Variants in ELOA2 observed in about 807,000 individuals in gnomAD.
ELOA2 encodes the protein elongin A2.
For synonymous variants in ELOA2, 497 were observed against 398.8 expected (o/e 1.25, Z -2.94); for missense variants, 1,271 against 979.7 (o/e 1.30, Z -3.97).
In ELOA2 at chr18:47,035,306, G is replaced by T; in HGVS notation, c.-42C>A. 8 of 1,611,444 alleles carry T rather than the reference G, an allele frequency of 5.0e-6. No individual in the cohort carries two copies. The highest frequency in any genetic ancestry group is 6.8e-6 in the Non-Finnish European group (8 of 1,179,396). On this transcript the variant is annotated 5_prime_UTR_variant, in exon 1 of 1. In the 5' UTR this introduces an upstream ATG that the reference lacks. Coordinates refer to ENST00000332567, the MANE Select transcript of ELOA2 (RefSeq NM_016427.3). The stretch of plus-strand genomic sequence containing the variant: ...AGGCGTCGCTGTCCCGGCGGTCGCA[G>T]CTCTGTCTTTGGGGCTGCGGGACAG...
Position 47,034,323 on chromosome 18 carries a change from G to T in ELOA2, c.942C>A (p.Asn314Lys), listed in dbSNP as rs764961596. The T allele has an allele frequency of 6.2e-7, 1 of 1,612,746 alleles. No individual in the cohort carries two copies. Residue 314 changes from asparagine (N) to lysine (K), a missense_variant, in exon 1 of 1, where the codon AAC becomes AAA. By Grantham distance (94) the Asn-to-Lys change is moderately conservative. Transcript: ENST00000332567. ...HQKRPQHSHS[N>K]KKRPSLDGRD... ...GGCCGTCTAGACTGGGCCTCTTCTT[G>T]TTCGAGTGACTGTGCTGAGGCCTCT...
Position 47,034,265 on chromosome 18 carries a change from G to T in ELOA2, c.1000C>A (p.Pro334Thr), listed in dbSNP as rs1367630813. 1 of 1,613,866 alleles carries T rather than the reference G, an allele frequency of 6.2e-7. No individual in the cohort carries two copies. The highest frequency in any genetic ancestry group is 1.7e-5 in the Admixed American group (1 of 60,006). The change falls in exon 1 of 1, where the codon CCC becomes ACC. Residue 334 changes from proline (P) to threonine (T), a missense_variant. Coordinates refer to ENST00000332567, the MANE Select transcript of ELOA2 (RefSeq NM_016427.3). ...TTGGAAAGCTGCTCTTTCTCCTCGG[G>T]CGACAGGCCGTGTGTCCCATTTCCT... is the stretch of plus-strand genomic sequence containing the variant. ...DPGNGTHGLS[P>T]EEKEQLSNDR... is the part of the protein sequence containing the mutation.
rs764193394 is a variant in ELOA2 at position 47,034,640 on chromosome 18, G to C, written c.625C>G (p.Pro209Ala). 1.9e-6 allele frequency: 3 copies of C among 1,614,026 alleles called. No individual in the cohort carries two copies. Among genetic ancestry groups the C allele is most frequent in the South Asian group, 2.2e-5 (2 of 91,078 alleles). ...HAAQGGPLLC[P>A]GCQGQPQGKA... is the part of the protein sequence containing the mutation. ...CCCTGGGGTTGGCCCTGGCAGCCTG[G>C]ACACAGCAGAGGCCCGCCCTGAGCC... The change falls in exon 1 of 1, where the codon CCA becomes GCA. Residue 209 changes from proline to alanine, a missense_variant. Coordinates refer to ENST00000332567, the MANE Select transcript of ELOA2 (RefSeq NM_016427.3).
Position 47,034,469 on chromosome 18 carries a change from G to A in ELOA2, c.796C>T (p.Pro266Ser), listed in dbSNP as rs1304952501. 2 of 1,614,056 alleles carry A rather than the reference G, an allele frequency of 1.2e-6. No individual in the cohort carries two copies. The highest frequency in any genetic ancestry group is 2.7e-5 in the African/African-American group (2 of 74,956). The change falls in exon 1 of 1, where the codon CCC becomes TCC. Residue 266 changes from proline (P) to serine (S), a missense_variant. Transcript: ENST00000332567. ...ACLREETPRM[P>S]SWASARDRQP... is the part of the protein sequence containing the mutation. ...CTGTCCCTGGCACTTGCCCAGGAGG[G>A]CATCCTTGGGGTTTCCTCTCTTAAG...
rs2060690819 is a variant in ELOA2 at position 47,034,902 on chromosome 18, G to A, written c.363C>T (p.Ser121=). 4 of 1,612,060 alleles carry A rather than the reference G, an allele frequency of 2.5e-6. No homozygotes were observed. The East Asian group carries it at 8.9e-5, about 36-fold the overall frequency. Residue 121 remains serine (S), a synonymous_variant, in exon 1 of 1, where the codon AGC becomes AGT. Transcript: ENST00000332567. ...GFPENATAPR[S]PSHSPEHRRT... ...GTCTGTGCTCAGGGCTGTGAGATGG[G>A]CTCCTGGGGGCCGTCGCGTTTTCTG...
rs1218249929 is a variant in ELOA2 at position 47,032,919 on chromosome 18, A to G, written c.*84T>C. 8.1e-6 allele frequency: 13 copies of G among 1,609,072 alleles called. No individual in the cohort carries two copies. The highest frequency in any genetic ancestry group is 3.3e-5 in the Admixed American group (2 of 59,858). Reference sequence around the variant, plus strand: ...CACCAAGTTAAAGGTTCTGGTGTCCATTGGAAGTTTCGTTCCCCAACCCGC... The same window carrying G: ...CACCAAGTTAAAGGTTCTGGTGTCCGTTGGAAGTTTCGTTCCCCAACCCGC... On this transcript the variant is annotated 3_prime_UTR_variant, in exon 1 of 1. Coordinates refer to ENST00000332567, the MANE Select transcript of ELOA2 (RefSeq NM_016427.3).
rs755028394 is a variant in ELOA2, at chr18:47,034,817, C to T, written c.448G>A (p.Glu150Lys). The change falls in exon 1 of 1, where the codon GAG becomes AAG. Residue 150 changes from glutamate to lysine, a missense_variant. Glu to Lys is a moderately conservative substitution (Grantham distance 56). Coordinates refer to ENST00000332567, the MANE Select transcript of ELOA2 (RefSeq NM_016427.3). ...QRPHPRSHSR[E>K]PRAERKCPRI... ...GGGCACTTTCTCTCAGCTCTGGGCT[C>T]GCGACTGTGAGACCTCGGGTGAGGT... 1.1e-5 allele frequency: 18 copies of T among 1,612,146 alleles called. No homozygotes were observed. Among genetic ancestry groups the T allele is most frequent in the Middle Eastern group, 2.1e-4 (1 of 4,700 alleles).
At chr18:47,033,523 GTC>G in the ELOA2 span, 1 of 1,614,168 alleles carries the variant, frequency 6.2e-7, no homozygotes, top group Non-Finnish European at 8.5e-7. Flanking sequence ...TAATTCGTCT[GTC>G]TCTCTAACGA....
rs2060658879 is a variant in ELOA2, at chr18:47,034,489, C to A, written c.776G>T (p.Arg259Ile). ...IREKSCGACL[R>I]EETPRMPSWA... ...GGAGGGCATCCTTGGGGTTTCCTCT[C>A]TTAAGCAGGCCCCGCATGATTTCTC... The change falls in exon 1 of 1, where the codon AGA becomes ATA. Residue 259 changes from arginine to isoleucine, a missense_variant. Transcript: ENST00000332567. 1.2e-6 allele frequency: 2 copies of A among 1,614,062 alleles called. No individual in the cohort carries two copies. Among genetic ancestry groups the A allele is most frequent in the African/African-American group, 1.3e-5 (1 of 74,956 alleles).
At position 47,034,339 on chromosome 18, in the gene ELOA2, T is replaced by G. The variant is rs751401262; in HGVS notation, c.926A>C (p.Gln309Pro). The G allele has an allele frequency of 6.2e-6, 10 of 1,613,360 alleles. No individual in the cohort carries two copies. The highest frequency in any genetic ancestry group is 3.3e-5 in the Admixed American group (2 of 60,006). ...EAPDSHQKRPQHSHSNKKRPS... is the reference protein window; with the variant it reads ...EAPDSHQKRPPHSHSNKKRPS... ...CCTCTTCTTGTTCGAGTGACTGTGC[T>G]GAGGCCTCTTCTGGTGACTGTCTGG... The change falls in exon 1 of 1, where the codon CAG (glutamine) becomes CCG (proline). Residue 309 changes from glutamine (Q) to proline (P), a missense_variant. Gln to Pro is a moderately conservative substitution (Grantham distance 76). Coordinates refer to ENST00000332567, the MANE Select transcript of ELOA2 (RefSeq NM_016427.3).
chr18:47,033,741 C>G lies in ELOA2; in HGVS notation c.1524G>C (p.Val508=), dbSNP rs1176619577. 2.5e-6 allele frequency: 4 copies of G among 1,614,206 alleles called. No homozygotes were observed. Among genetic ancestry groups the G allele is most frequent in the Non-Finnish European group, 3.4e-6 (4 of 1,180,048 alleles). ...CCGAGTACACCGGCATCTTAGCATTCACTCTGCGTCCAGGGAAAGCAGCTT... is the reference window on the plus strand; with the variant it reads ...CCGAGTACACCGGCATCTTAGCATTGACTCTGCGTCCAGGGAAAGCAGCTT... The part of the protein sequence containing the change: ...REEAAFPGRR[V]NAKMPVYSGS... Residue 508 remains valine, a synonymous_variant, in exon 1 of 1, where the codon GTG becomes GTC. Transcript: ENST00000332567.
At position 47,033,652 on chromosome 18, in the gene ELOA2, C is replaced by T; in HGVS notation, c.1613G>A (p.Arg538Lys). The T allele has an allele frequency of 6.2e-7, 1 of 1,614,104 alleles. No homozygotes were observed. The highest frequency in any genetic ancestry group is 2.2e-5 in the East Asian group (1 of 44,896). ...TLRQQCAQVL[R>K]NNPDALSDVG... is the part of the protein sequence containing the mutation. ...GTCGCTGAGGGCGTCCGGATTGTTT[C>T]TAAGCACCTGGGCACACTGCTGGCG... The change falls in exon 1 of 1, where the codon AGA (arginine) becomes AAA (lysine). Residue 538 changes from arginine to lysine, a missense_variant. By Grantham distance (26) the Arg-to-Lys change is conservative. Coordinates refer to ENST00000332567, the MANE Select transcript of ELOA2 (RefSeq NM_016427.3).
At chr18:47,034,551 A>T in the ELOA2 span, 4 of 1,614,102 alleles carry the variant, frequency 2.5e-6, no homozygotes, top group Non-Finnish European at 3.4e-6. Flanking sequence ...CTCCCTGGGC[A>T]CACAAGGGGC....
rs2060729841 is a variant in ELOA2 at position 47,035,478 on chromosome 18, C to T, written c.-214G>A. On this transcript the variant is annotated 5_prime_UTR_variant, in exon 1 of 1. Transcript: ENST00000332567. ...CCTTGCAGACAGCTGAGCAGGCCCG[C>T]TTTTGTTCCTCGGGATGTGGAGCCA... 2 of 1,024,364 alleles carry T rather than the reference C, an allele frequency of 2.0e-6. No individual in the cohort carries two copies. The highest frequency in any genetic ancestry group is 2.8e-6 in the Non-Finnish European group (2 of 710,530). The allele number at this position is 1,024,364 out of a possible 1,614,324, so 63.5% of individuals were successfully genotyped here. A position where few individuals can be genotyped will look rare whatever the true frequency, so the allele number is the denominator to read the frequency against.
At position 47,033,093 on chromosome 18, in the gene ELOA2, C is replaced by T. The variant is rs2060558266; in HGVS notation, c.2172G>A (p.Ala724=). The part of the protein sequence containing the change: ...LSSSNEHAAP[A]AKTRKQAAKK... ...TGGCAGCCTGTTTCCGGGTTTTGGC[C>T]GCGGGCGCCGCGTGCTCATTGCTGC... The change falls in exon 1 of 1, where the codon GCG becomes GCA. Residue 724 remains alanine, a synonymous_variant. Transcript: ENST00000332567. The T allele has an allele frequency of 1.2e-6, 2 of 1,614,032 alleles. No homozygotes were observed. The highest frequency in any genetic ancestry group is 2.2e-5 in the East Asian group (1 of 44,882).
In ELOA2 at chr18:47,034,403, C is replaced by T; in HGVS notation, c.862G>A (p.Ala288Thr). The change falls in exon 1 of 1, where the codon GCT becomes ACT. Residue 288 changes from alanine to threonine, a missense_variant. By Grantham distance (58) the Ala-to-Thr change is moderately conservative (BLOSUM62 0). Coordinates refer to ENST00000332567, the MANE Select transcript of ELOA2 (RefSeq NM_016427.3). ...GCAGGGACACGCTGGCCGCTGCCAG[C>T]TTGCCCCCCTTCCTTGTCTGTCTTG... ...DFKTDKEGGQ[A>T]GSGQRVPALE... The T allele has an allele frequency of 6.2e-7, 1 of 1,614,076 alleles. No individual in the cohort carries two copies. Among genetic ancestry groups the T allele is most frequent in the Non-Finnish European group, 8.5e-7 (1 of 1,180,046 alleles).
chr18:47,033,641 C>G lies in ELOA2; in HGVS notation c.1624G>C (p.Asp542His). 6.2e-7 allele frequency: 1 copy of G among 1,614,196 alleles called. No individual in the cohort carries two copies. Among genetic ancestry groups the G allele is most frequent in the Non-Finnish European group, 8.5e-7 (1 of 1,180,040 alleles). ...QCAQVLRNNP[D>H]ALSDVGEVPY... ...ACCTCTCCCACGTCGCTGAGGGCGTCCGGATTGTTTCTAAGCACCTGGGCA... is the reference window on the plus strand; with the variant it reads ...ACCTCTCCCACGTCGCTGAGGGCGTGCGGATTGTTTCTAAGCACCTGGGCA... The change falls in exon 1 of 1, where the codon GAC becomes CAC. Residue 542 changes from aspartate (D) to histidine (H), a missense_variant. Asp to His is a moderately conservative substitution (Grantham distance 81). Transcript: ENST00000332567.
chr18:47,033,934 G>A lies in ELOA2; in HGVS notation c.1331C>T (p.Ala444Val), dbSNP rs1238485705. The change falls in exon 1 of 1, where the codon GCC becomes GTC. Residue 444 changes from alanine (A) to valine (V), a missense_variant. Coordinates refer to ENST00000332567, the MANE Select transcript of ELOA2 (RefSeq NM_016427.3). Reference protein sequence around the residue: ...QESQSERLQAAGADSAGPKTV... With the variant: ...QESQSERLQAVGADSAGPKTV... ...TTTCGGCCCGGCGGAATCAGCGCCG[G>A]CCGCCTGCAGCCTCTCTGACTGGCT... is the stretch of plus-strand genomic sequence containing the variant. The A allele has an allele frequency of 1.2e-6, 2 of 1,612,862 alleles. No individual in the cohort carries two copies. The highest frequency in any genetic ancestry group is 2.2e-5 in the East Asian group (1 of 44,880).
In ELOA2 at chr18:47,033,675, G is replaced by A. The variant is rs1226161840; in HGVS notation, c.1590C>T (p.Arg530=). Residue 530 remains arginine, a synonymous_variant, in exon 1 of 1, where the codon CGC becomes CGT. Coordinates refer to ENST00000332567, the MANE Select transcript of ELOA2 (RefSeq NM_016427.3). The part of the protein sequence containing the change: ...PACQLQVPTL[R]QQCAQVLRNN... ...TTCTAAGCACCTGGGCACACTGCTG[G>A]CGCAGCGTCGGCACCTGGAGCTGGC... is the stretch of plus-strand genomic sequence containing the variant. The A allele has an allele frequency of 6.2e-7, 1 of 1,614,208 alleles. No homozygotes were observed. Among genetic ancestry groups the A allele is most frequent in the South Asian group, 1.1e-5 (1 of 91,082 alleles).
Sources: gnomAD v4.1 joint callset for allele counts on GRCh38, gnomAD v4.1.1 for gene constraint, MANE v1.5 for transcripts, NCBI Gene and HGNC (gene_info 2026-07-23, HGNC 2026-07-21) for gene names.